GOLGA5: variants seen among roughly 807,000 people sequenced by gnomAD.
The protein encoded by GOLGA5 is golgin subfamily A member 5.
A neutral mutation model predicts 93.5 loss-of-function variants in GOLGA5; 50 were observed. The ratio of observed to expected loss-of-function variants is 0.53; its 90% confidence interval spans 0.43 to 0.68. GOLGA5 has a LOEUF of 0.68. GOLGA5 is among the 30% of genes least tolerant of loss of function. The probability of loss-of-function intolerance (pLI) is 0.00; values close to 1 mark genes in which losing one functional copy is unlikely to be tolerated. For synonymous variants in GOLGA5, 312 were observed against 304.5 expected (o/e 1.02, Z -0.26); for missense variants, 760 against 856.4 (o/e 0.89, Z 1.40).
chr14:92,814,157 T>G (rs1885156591), intron 6 of GOLGA5, among the ~76,000 whole-genome samples: 1 of 152,104 alleles, frequency 6.6e-6, no homozygotes, highest in Non-Finnish European at 1.5e-5. Context: ...TAGGTAAGTT[T>G]AGGCAAGAGC....
At chr14:92,835,946 T>TATAATAA (rs3034751) in intron 11 of GOLGA5, among the ~76,000 whole-genome samples, 99,406 of 151,768 alleles carry the variant, frequency 0.65, 33,001 homozygotes, top group African/African-American at 0.77. Flanking sequence ...ACTGTATCTC[T>TATAATAA]TTTTTCTATA....
chr14:92,807,842 C>G (rs920165502), intron 3 of GOLGA5, among the ~76,000 whole-genome samples: 2 of 152,008 alleles, frequency 1.3e-5, no homozygotes, highest in Non-Finnish European at 2.9e-5. Context: ...AAATTGCTGC[C>G]TTGGTTCCTG....
At chr14:92,822,203 C>T (rs1885330057) in intron 8 of GOLGA5, among the ~76,000 whole-genome samples, 1 of 152,170 alleles carries the variant, frequency 6.6e-6, no homozygotes, top group African/African-American at 2.4e-5. Context: ...TTCTCATAAT[C>T]TCTTTTCTCA....
intron 9 of GOLGA5, among the ~76,000 whole-genome samples, chr14:92,826,031 G>A (rs1425283770): frequency 6.6e-6 from 1 of 151,738 alleles, no homozygotes; most frequent in Non-Finnish European, 1.5e-5. Context: ...GCACGTACCT[G>A]TAAGTCCCAG....
At chr14:92,812,499 T>C (rs1885123329) in intron 6 of GOLGA5, among the ~76,000 whole-genome samples, 1 of 152,226 alleles carries the variant, frequency 6.6e-6, no homozygotes, top group African/African-American at 2.4e-5. Flanking sequence ...CTATCTTCCT[T>C]TCTTTCAGTG....
chr14:92,835,587 T>G lies in GOLGA5; in HGVS notation c.1974T>G (p.Leu658=). ...EGTRLRNVPV[L]FNDTETNLAG... is the part of the protein sequence containing the mutation. ...CTCGTCTGCGAAATGTTCCTGTTCTTTTTAATGACACAGAAACTAATCTGG... is the reference window on the plus strand; with the variant it reads ...CTCGTCTGCGAAATGTTCCTGTTCTGTTTAATGACACAGAAACTAATCTGG... The change falls in exon 11 of 13, where the codon CTT becomes CTG. Residue 658 remains leucine (L), a synonymous_variant. Transcript: ENST00000163416. 6.2e-7 allele frequency: 1 copy of G among 1,613,220 alleles called. No homozygotes were observed. Among genetic ancestry groups the G allele is most frequent in the Non-Finnish European group, 8.5e-7 (1 of 1,179,234 alleles).
At chr14:92,819,119 A>AT (rs201426176) in intron 7 of GOLGA5, among the ~76,000 whole-genome samples, 6 of 152,022 alleles carry the variant, frequency 3.9e-5, no homozygotes, top group East Asian at 1.9e-4. Flanking sequence ...TATGTTTCTG[A>AT]TTTTTTTTGA....
intron 6 of GOLGA5, among the ~76,000 whole-genome samples, chr14:92,816,016 A>T (rs944782212): frequency 6.6e-6 from 1 of 152,116 alleles, no homozygotes; most frequent in Non-Finnish European, 1.5e-5. Context: ...GAAAAAAAAA[A>T]TCTTATTCAT....
intron 2 of GOLGA5, among the ~76,000 whole-genome samples, chr14:92,804,318 G>A (rs1436180621): frequency 2.0e-5 from 3 of 151,650 alleles, no homozygotes; most frequent in Non-Finnish European, 2.9e-5. Flanking sequence ...CTTTCTCCTC[G>A]GCCTCCCAAA....
In GOLGA5 at chr14:92,809,528, T is replaced by G; in HGVS notation, c.992+9T>G. 1 of 1,546,006 alleles carries G rather than the reference T, an allele frequency of 6.5e-7. No homozygotes were observed. Among genetic ancestry groups the G allele is most frequent in the Non-Finnish European group, 8.9e-7 (1 of 1,119,736 alleles). ...CAGAGTGAAAAATCACGGTAGGTGA[T>G]TCTATGAATAATGAAAAAAATGAGC... On this transcript the variant is annotated intron_variant, in intron 4 of 12. Transcript: ENST00000163416.
At chr14:92,794,514 G>A (rs1302049904) in intron 1 of GOLGA5, 58 bp downstream of exon 1, 1 of 152,538 alleles carries the variant, frequency 6.6e-6, no homozygotes, top group Non-Finnish European at 1.5e-5. Flanking sequence ...TCCTAGGAGC[G>A]GGGGCGCAGT....
intron 10 of GOLGA5, 130 bp from the exon 11 acceptor site, chr14:92,835,429 C>T: frequency 2.1e-6 from 1 of 485,838 alleles, no homozygotes; most frequent in Non-Finnish European, 3.7e-6. Flanking sequence ...ATAGTTTCAT[C>T]TACTTTGGGG....
chr14:92,833,022 A>G, intron 9 of GOLGA5, 100 bp from the exon 10 acceptor site: 1 of 735,922 alleles, frequency 1.4e-6, no homozygotes, highest in Non-Finnish European at 2.4e-6. Context: ...TTGAGAAATC[A>G]ATGAATGCCA....
chr14:92,827,112 A>C (rs1423244658), intron 9 of GOLGA5, among the ~76,000 whole-genome samples: 1 of 152,262 alleles, frequency 6.6e-6, no homozygotes, highest in Non-Finnish European at 1.5e-5. Context: ...AATAAGGTGC[A>C]CAGCCATTTC....
In GOLGA5 at chr14:92,839,532, C is replaced by A; in HGVS notation, c.*86C>A. 1 of 811,270 alleles carries A rather than the reference C, an allele frequency of 1.2e-6. No individual in the cohort carries two copies. The highest frequency in any genetic ancestry group is 2.1e-6 in the Non-Finnish European group (1 of 468,426). The allele number at this position is 811,270 out of a possible 1,614,324, so 50.3% of individuals were successfully genotyped here. A position where few individuals can be genotyped will look rare whatever the true frequency, so the allele number is the denominator to read the frequency against. On this transcript the variant is annotated 3_prime_UTR_variant, in exon 13 of 13. Coordinates refer to ENST00000163416, the MANE Select transcript of GOLGA5 (RefSeq NM_005113.4). ...GCCAATTGCCTAAAATTTCTGAGAA[C>A]AGTGCACAAGATTATTTTATCACTA...
chr14:92,804,135 C>G (rs1317460640), intron 2 of GOLGA5, among the ~76,000 whole-genome samples: 1 of 152,104 alleles, frequency 6.6e-6, no homozygotes, highest in African/African-American at 2.4e-5. Context: ...GTAACCAAGG[C>G]TATAAATTTC....
At chr14:92,808,258 A>G (rs1885031969) in intron 3 of GOLGA5, among the ~76,000 whole-genome samples, 1 of 151,882 alleles carries the variant, frequency 6.6e-6, no homozygotes, top group South Asian at 2.1e-4. Flanking sequence ...CAACAACAAC[A>G]ACAACAACAA....
intron 9 of GOLGA5, among the ~76,000 whole-genome samples, chr14:92,826,290 CAA>C (rs10713083): frequency 1.2e-3 from 168 of 135,650 alleles, no homozygotes; most frequent in South Asian, 6.0e-3. Context: ...AATACATTGC[CAA>C]AAAAAAAAAA....
intron 2 of GOLGA5, among the ~76,000 whole-genome samples, chr14:92,800,111 T>C (rs1033188151): frequency 6.6e-6 from 1 of 152,262 alleles, no homozygotes; most frequent in South Asian, 2.1e-4. Context: ...CCAAAATTTC[T>C]TCTCAGCTAT....
Sources: allele counts gnomAD v4.1 joint callset (sites outside exome capture counted in the v4.1 genomes callset), GRCh38; gene constraint gnomAD v4.1.1; transcripts MANE v1.5; gene names NCBI Gene and HGNC (gene_info 2026-07-23, HGNC 2026-07-21).